Variants in FAF1 observed in about 807,000 individuals in gnomAD.
The protein encoded by FAF1 is Fas associated factor 1, also known as FAS-associated factor 1.
In FAF1, 25 loss-of-function variants were observed where a neutral mutation model predicts 92.5. That is an observed-to-expected ratio of 0.27 (90% CI 0.20 to 0.38). The LOEUF (loss-of-function observed/expected upper bound fraction) is 0.38, where lower values mean the gene tolerates loss of function less well. FAF1 is among the 10% of genes least tolerant of loss of function. FAF1 has a pLI of 1.00. For synonymous variants in FAF1, 234 were observed against 273.2 expected (o/e 0.86, Z 1.42); for missense variants, 636 against 793.3 (o/e 0.80, Z 2.38).
intron 1 of FAF1, among the ~76,000 whole-genome samples, chr1:50,876,969 TAAATAA>T (rs1644577118): frequency 6.6e-6 from 1 of 152,200 alleles, no homozygotes; most frequent in South Asian, 2.1e-4. Flanking sequence ...CAGATAGATA[TAAATAA>T]ATGATTTAAT....
intron 15 of FAF1, among the ~76,000 whole-genome samples, chr1:50,516,449 T>G (rs777689281): frequency 1.1e-4 from 16 of 152,290 alleles, no homozygotes; most frequent in East Asian, 5.8e-4. Context: ...CCTGTATACC[T>G]TGGCTTGGAC....
chr1:50,550,934 A>G (rs1389690254), intron 13 of FAF1, among the ~76,000 whole-genome samples: 1 of 152,198 alleles, frequency 6.6e-6, no homozygotes, highest in Non-Finnish European at 1.5e-5. Context: ...CAGGTGTGTG[A>G]TCTGGCATAT....
chr1:50,659,201 C>T (rs1007473743), intron 7 of FAF1, among the ~76,000 whole-genome samples: 4 of 149,632 alleles, frequency 2.7e-5, no homozygotes, highest in African/African-American at 9.9e-5. Context: ...GGACACAGTT[C>T]TTTCAGAGAA....
chr1:50,544,816 A>T (rs562390073), intron 13 of FAF1, among the ~76,000 whole-genome samples: 1 of 152,292 alleles, frequency 6.6e-6, no homozygotes, highest in East Asian at 1.9e-4. Flanking sequence ...TTGATCAAAG[A>T]CTCAAAAGAG....
intron 2 of FAF1, among the ~76,000 whole-genome samples, chr1:50,818,022 A>G (rs1643995286): frequency 1.3e-5 from 2 of 152,164 alleles, no homozygotes; most frequent in South Asian, 2.1e-4. Context: ...CAGATCAAAA[A>G]TTGCTTGAGG....
chr1:50,884,285 C>T (rs899898084), intron 1 of FAF1, among the ~76,000 whole-genome samples: 3 of 151,686 alleles, frequency 2.0e-5, no homozygotes, highest in African/African-American at 4.8e-5. Context: ...GAGGCCGAGG[C>T]GGATGGATCA....
At chr1:50,949,867 CTT>C (rs924258634) in intron 1 of FAF1, among the ~76,000 whole-genome samples, 1 of 151,198 alleles carries the variant, frequency 6.6e-6, no homozygotes, top group African/African-American at 2.4e-5. Flanking sequence ...GATTACCATT[CTT>C]TTTTTTTCGA....
chr1:50,527,053 C>T (rs192542105), intron 15 of FAF1, among the ~76,000 whole-genome samples: 423 of 152,062 alleles, frequency 2.8e-3, no homozygotes, highest in Admixed American at 5.9e-3. Context: ...GACAGGGTTT[C>T]GCTATGTTGG....
At chr1:50,803,478 C>T (rs1398404572) in intron 2 of FAF1, among the ~76,000 whole-genome samples, 3 of 152,084 alleles carry the variant, frequency 2.0e-5, no homozygotes, top group African/African-American at 7.2e-5. Flanking sequence ...GTATAATGAG[C>T]TAAACATTAC....
At chr1:50,474,171 C>T (rs1176975751) in intron 18 of FAF1, among the ~76,000 whole-genome samples, 1 of 152,178 alleles carries the variant, frequency 6.6e-6, no homozygotes, top group Non-Finnish European at 1.5e-5. Context: ...TCATTGGTCC[C>T]AGTTCTGCCC....
chr1:50,660,088 ATATAAAAT>A (rs1655305993), intron 7 of FAF1, among the ~76,000 whole-genome samples: 1 of 152,222 alleles, frequency 6.6e-6, no homozygotes. Flanking sequence ...AAGCTACTCA[ATATAAAAT>A]TATAAAAGTA....
intron 1 of FAF1, among the ~76,000 whole-genome samples, chr1:50,886,238 C>T (rs996416852): frequency 1.3e-5 from 2 of 152,158 alleles, no homozygotes; most frequent in African/African-American, 4.8e-5. Flanking sequence ...GATTGAAGTA[C>T]TCCCTTTAAC....
intron 1 of FAF1, among the ~76,000 whole-genome samples, chr1:50,926,917 T>C (rs1645010383): frequency 6.6e-6 from 1 of 152,078 alleles, no homozygotes; most frequent in Non-Finnish European, 1.5e-5. Flanking sequence ...CACAACAGAG[T>C]ATTGTTGCTC....
At chr1:50,445,533 C>T (rs931256903) in intron 18 of FAF1, among the ~76,000 whole-genome samples, 2 of 151,964 alleles carry the variant, frequency 1.3e-5, no homozygotes, top group African/African-American at 4.8e-5. Context: ...ACCAAGCTTC[C>T]GGGATATAAG....
chr1:50,794,194 T>C (rs1661662954), intron 3 of FAF1, among the ~76,000 whole-genome samples: 1 of 152,168 alleles, frequency 6.6e-6, no homozygotes, highest in Non-Finnish European at 1.5e-5. Context: ...ATGCAGTGGT[T>C]GAAAGCACAT....
intron 15 of FAF1, among the ~76,000 whole-genome samples, chr1:50,523,576 A>G (rs1288847495): frequency 2.6e-5 from 4 of 152,282 alleles, no homozygotes; most frequent in African/African-American, 7.2e-5. Context: ...AGAAATGTCT[A>G]TTCAAGTCTT....
chr1:50,934,859 T>C (rs1461251804), intron 1 of FAF1, among the ~76,000 whole-genome samples: 1 of 152,244 alleles, frequency 6.6e-6, no homozygotes, highest in Non-Finnish European at 1.5e-5. Flanking sequence ...TCCTCTGTAT[T>C]CCACTGTTTC....
intron 1 of FAF1, among the ~76,000 whole-genome samples, chr1:50,910,675 C>CA (rs1235236697): frequency 3.3e-5 from 5 of 151,868 alleles, no homozygotes; most frequent in African/African-American, 1.2e-4. Flanking sequence ...GGCCGTGGGA[C>CA]CCTCCAAGCC....
At chr1:50,476,973 T>G (rs1385230166) in intron 17 of FAF1, among the ~76,000 whole-genome samples, 2 of 152,094 alleles carry the variant, frequency 1.3e-5, no homozygotes, top group Non-Finnish European at 2.9e-5. Context: ...GGAAACAAGG[T>G]GGAAGAGGTG....
Sources: gnomAD v4.1 joint callset for allele counts (sites outside exome capture counted in the v4.1 genomes callset) on GRCh38, gnomAD v4.1.1 for gene constraint, MANE v1.5 for transcripts, NCBI Gene and HGNC (gene_info 2026-07-23, HGNC 2026-07-21) for gene names.